SCAPER: variants seen among roughly 807,000 people sequenced by gnomAD.
The protein encoded by SCAPER is S phase cyclin A-associated protein in the endoplasmic reticulum.
Under a neutral mutation model 182.2 loss-of-function variants are expected in SCAPER, and 98 were observed. The observed-to-expected ratio is 0.54, with a 90% CI of 0.46 to 0.64. The LOEUF (loss-of-function observed/expected upper bound fraction) is 0.64. SCAPER is among the 30% of genes least tolerant of loss of function. The probability of loss-of-function intolerance (pLI) is 0.00; values close to 1 mark genes in which losing one functional copy is unlikely to be tolerated. For synonymous variants in SCAPER, 605 were observed against 564.6 expected, an observed-to-expected ratio of 1.07 and a Z score of -1.01; for missense variants, 1,432 against 1,690.0, an observed-to-expected ratio of 0.85 and a Z score of 2.68.
intron 15 of SCAPER, among the ~76,000 whole-genome samples, chr15:76,749,947 A>C (rs1352028634): frequency 6.6e-6 from 1 of 151,956 alleles, no homozygotes. Flanking sequence ...AAAAAACAAC[A>C]AAGCTTATGG....
At chr15:76,839,259 C>A (rs2069233713) in intron 5 of SCAPER, among the ~76,000 whole-genome samples, 1 of 152,150 alleles carries the variant, frequency 6.6e-6, no homozygotes, top group Non-Finnish European at 1.5e-5. Flanking sequence ...CAGAACTGAA[C>A]TGTGATTATT....
At chr15:76,466,443 G>GTTTTTTTTTTTTTTTTTTTTTTTTTTT (rs2049651857) in intron 25 of SCAPER, among the ~76,000 whole-genome samples, 1 of 52,952 alleles carries the variant, frequency 1.9e-5, no homozygotes, top group Non-Finnish European at 3.7e-5. Context: ...TTTTTTTTTT[G>GTTTTTTTTTTTTTTTTTTTTTTTTTTT]TATTTTCTGT....
chr15:76,497,788 C>T (rs912097120), intron 24 of SCAPER, among the ~76,000 whole-genome samples: 4 of 151,558 alleles, frequency 2.6e-5, no homozygotes, highest in South Asian at 2.1e-4. Flanking sequence ...GTCACGAGAT[C>T]GAGACCAGCC....
chr15:76,709,619 T>C (rs1284692123), intron 17 of SCAPER, among the ~76,000 whole-genome samples: 1 of 152,188 alleles, frequency 6.6e-6, no homozygotes, highest in East Asian at 1.9e-4. Flanking sequence ...GCTTTACTGG[T>C]AAATTCCCCC....
intron 2 of SCAPER, among the ~76,000 whole-genome samples, chr15:76,875,234 G>A (rs544972950): frequency 6.6e-6 from 1 of 152,136 alleles, no homozygotes; most frequent in East Asian, 1.9e-4. Context: ...ATTTTATGAG[G>A]CCTGAAAAAC....
intron 17 of SCAPER, among the ~76,000 whole-genome samples, chr15:76,726,484 T>C (rs1369421247): frequency 6.6e-6 from 1 of 151,828 alleles, no homozygotes; most frequent in South Asian, 2.1e-4. Context: ...AATTAGTATA[T>C]GATCCAACCA....
intron 27 of SCAPER, among the ~76,000 whole-genome samples, chr15:76,393,843 T>C (rs2043867953): frequency 6.6e-6 from 1 of 152,144 alleles, no homozygotes; most frequent in African/African-American, 2.4e-5. Flanking sequence ...CAATTAAGCC[T>C]ATGCAGAGAC....
rs1207816220 is a variant in SCAPER, at chr15:76,779,699, T to C, written c.773-4582A>G. ...CATTTCAAGTTATGCAAAGCTAATA[T>C]TGTTACTCTGTTAAAAAAAAAAAAT... On this transcript the variant is annotated intron_variant, in intron 8 of 31. Transcript: ENST00000563290. 7.8e-5 allele frequency among the ~76,000 whole-genome samples: 7 copies of C among 89,608 alleles called. No homozygotes were observed. The Admixed American group carries it at 8.4e-4, about 11-fold the overall frequency. 58.8% of individuals were successfully genotyped at this position (89,608 alleles called of 152,430 possible).
At chr15:76,468,173 A>G (rs1437655147) in intron 25 of SCAPER, among the ~76,000 whole-genome samples, 1 of 152,126 alleles carries the variant, frequency 6.6e-6, no homozygotes, top group Non-Finnish European at 1.5e-5. Context: ...AAACATAAAA[A>G]TCACCATCAC....
At chr15:76,818,664 C>T (rs890322352) in intron 5 of SCAPER, among the ~76,000 whole-genome samples, 3 of 152,194 alleles carry the variant, frequency 2.0e-5, no homozygotes, top group Admixed American at 6.5e-5. Context: ...GCGTGAGCGA[C>T]GCAGAAGATG....
chr15:76,874,004 T>C (rs1015343421), intron 2 of SCAPER, among the ~76,000 whole-genome samples: 4 of 152,104 alleles, frequency 2.6e-5, no homozygotes, highest in East Asian at 1.9e-4. Flanking sequence ...GCGATTCTCC[T>C]GCTTCAGCCT....
In SCAPER at chr15:76,746,868, CAAAT is replaced by C. The variant is rs1465054163; in HGVS notation, c.1866+6936_1866+6939del. Reference sequence around the variant, plus strand: ...CAATGCTGAAAGAAATTAAAGAAGACAAATAAACAGAAGGAAATTCCACGTTCAT... The same window carrying C: ...CAATGCTGAAAGAAATTAAAGAAGACAAACAGAAGGAAATTCCACGTTCAT... On this transcript the variant is annotated intron_variant, in intron 15 of 31. Transcript: ENST00000563290. 4.6e-5 allele frequency among the ~76,000 whole-genome samples: 7 copies of C among 152,214 alleles called. No individual in the cohort carries two copies. In the South Asian group the frequency reaches 8.3e-4, roughly 18 times the overall value.
chr15:76,472,347 G>C, intron 24 of SCAPER: 2 of 710,104 alleles, frequency 2.8e-6, no homozygotes, highest in Middle Eastern at 3.8e-4. Context: ...GAAAGCTGAA[G>C]GTGCTGGAGA....
At chr15:76,587,251 T>C (rs139258599) in intron 22 of SCAPER, among the ~76,000 whole-genome samples, 2,370 of 152,298 alleles carry the variant, frequency 0.016, 62 homozygotes, top group African/African-American at 0.055. Flanking sequence ...TTTTGTTTCA[T>C]TTATCTGTTG....
chr15:76,501,946 T>A (rs1375486109), intron 24 of SCAPER, among the ~76,000 whole-genome samples: 1 of 152,184 alleles, frequency 6.6e-6, no homozygotes, highest in Non-Finnish European at 1.5e-5. Flanking sequence ...TCTGAAGTGG[T>A]TACAAAATTC....
chr15:76,401,546 C>T (rs2044456939), intron 27 of SCAPER, among the ~76,000 whole-genome samples: 1 of 152,146 alleles, frequency 6.6e-6, no homozygotes, highest in Non-Finnish European at 1.5e-5. Context: ...TCCTGTCCTC[C>T]CTCTCAAGCA....
chr15:76,566,686 G>C (rs574998541), intron 23 of SCAPER, among the ~76,000 whole-genome samples: 1 of 152,184 alleles, frequency 6.6e-6, no homozygotes, highest in African/African-American at 2.4e-5. Flanking sequence ...TTTTGCACAT[G>C]TAAGAGTATT....
At chr15:76,412,913 G>A (rs1021195298) in intron 26 of SCAPER, among the ~76,000 whole-genome samples, 4 of 151,736 alleles carry the variant, frequency 2.6e-5, no homozygotes, top group South Asian at 2.1e-4. Context: ...AATTTCTCTC[G>A]GTAATGCTTT....
chr15:76,618,787 G>A (rs1187040565), intron 22 of SCAPER, among the ~76,000 whole-genome samples: 1 of 152,108 alleles, frequency 6.6e-6, no homozygotes, highest in Non-Finnish European at 1.5e-5. Context: ...CCTGTTTTAA[G>A]CAATGTTTAC....
Sources: allele counts gnomAD v4.1 joint callset (sites outside exome capture counted in the v4.1 genomes callset), GRCh38; gene constraint gnomAD v4.1.1; transcripts MANE v1.5; gene names NCBI Gene and HGNC (gene_info 2026-07-23, HGNC 2026-07-21).